The following TBC1D9B variants were observed in gnomAD, a reference collection of about 807,000 sequenced individuals.
TBC1D9B encodes TBC1 domain family, member 9B (with GRAM domain).
Under a neutral mutation model 121.1 loss-of-function variants are expected in TBC1D9B, and 87 were observed. The ratio of observed to expected loss-of-function variants is 0.72; its 90% CI spans 0.60 to 0.86. The LOEUF (loss-of-function observed/expected upper bound fraction) is 0.86. TBC1D9B is among the 40% of genes least tolerant of loss of function. The pLI is 0.00. For synonymous variants in TBC1D9B, 668 were observed against 670.1 expected (o/e 1.00, Z 0.05); for missense variants, 1,540 against 1,628.6 (o/e 0.95, Z 0.94).
intron 18 of TBC1D9B, 54 bp downstream of exon 18, chr5:179,867,724 G>A: frequency 6.2e-7 from 1 of 1,604,482 alleles, no homozygotes; most frequent in Non-Finnish European, 8.5e-7. Context: ...CAGGAAGGCG[G>A]CGGTGGCTGC....
intron 7 of TBC1D9B, among the ~76,000 whole-genome samples, chr5:179,887,493 T>G (rs1760722791): frequency 6.6e-6 from 1 of 152,182 alleles, no homozygotes. Context: ...ACCGATTCCT[T>G]CAAAAAAATA....
At chr5:179,889,229 C>T (rs1188992660) in intron 6 of TBC1D9B, among the ~76,000 whole-genome samples, 1 of 151,926 alleles carries the variant, frequency 6.6e-6, no homozygotes, top group Non-Finnish European at 1.5e-5. Context: ...CGGGTTTCAC[C>T]ATGTTAGCCA....
intron 10 of TBC1D9B, among the ~76,000 whole-genome samples, chr5:179,876,938 G>A (rs1760375126): frequency 6.6e-6 from 1 of 151,376 alleles, no homozygotes. Context: ...GGGCGTGGTG[G>A]TGTGTACCTG....
At position 179,904,219 on chromosome 5, in the gene TBC1D9B, C is replaced by CCCTT. The variant is rs1554098281; in HGVS notation, c.229+482_229+483insAAGG. On this transcript the variant is annotated intron_variant, in intron 2 of 20. Coordinates refer to ENST00000355235, the MANE Select transcript of TBC1D9B (RefSeq NM_015043.4). This position sits in a 1 kb window ranked among gnomAD's most constrained non-coding sequence, Gnocchi z 4.2. ...CCTGTCCCCATGACCAGTGGAGCTG[C>CCCTT]CTTTTTTTTTTTTTTTTTTTTTTGA... 1.3e-5 allele frequency among the ~76,000 whole-genome samples: 1 copy of CCCTT among 79,240 alleles called. No homozygotes were observed. The highest frequency in any genetic ancestry group is 9.7e-5 in the African/African-American group (1 of 10,272). 52.0% of individuals were successfully genotyped at this position (79,240 alleles called of 152,430 possible).
Position 179,871,397 on chromosome 5 carries a change from C to A in TBC1D9B, c.2484+65G>T. Reference sequence around the variant, plus strand: ...ACTTCTAAGAGGATACTCTTAGATCCATTTCTTTTCTGGCAGGAAGCTAGG... The same window carrying A: ...ACTTCTAAGAGGATACTCTTAGATCAATTTCTTTTCTGGCAGGAAGCTAGG... On this transcript the variant is annotated intron_variant, in intron 15 of 20. Coordinates refer to ENST00000355235, the MANE Select transcript of TBC1D9B (RefSeq NM_015043.4). The A allele has an allele frequency of 2.0e-6, 3 of 1,498,712 alleles. No homozygotes were observed. In the South Asian group the frequency reaches 3.5e-5, roughly 17 times the overall value. 92.8% of individuals were successfully genotyped at this position (1,498,712 alleles called of 1,614,324 possible).
rs1309174582 is a variant in TBC1D9B, at chr5:179,904,711, C to T, written c.220G>A (p.Val74Met). ...CACTCAGGGCACCTACCACACGCCA[C>T]TGTCCAGTAGACCTGGGAGTCCTGG... is the stretch of plus-strand genomic sequence containing the variant. ...QTQDSQVYWT[V>M]ACGSSRKEIT... The change falls in exon 2 of 21, where the codon GTG (valine) becomes ATG (methionine). Residue 74 changes from valine (V) to methionine (M), a missense_variant. Transcript: ENST00000355235. This position sits in a 1 kb window ranked among gnomAD's most constrained non-coding sequence, Gnocchi z 4.2. The T allele has an allele frequency of 2.9e-5, 45 of 1,569,422 alleles. No individual in the cohort carries two copies. The Admixed American group carries it at 8.5e-4, about 29-fold the overall frequency.
intron 18 of TBC1D9B, chr5:179,866,968 T>C (rs574945170): frequency 6.2e-6 from 1 of 160,122 alleles, no homozygotes; most frequent in African/African-American, 2.4e-5. Flanking sequence ...TCACCTGGGA[T>C]CAGATGCTCC....
chr5:179,905,495 T>C (rs1463697215), intron 1 of TBC1D9B, among the ~76,000 whole-genome samples: 3 of 152,246 alleles, frequency 2.0e-5, no homozygotes, highest in Admixed American at 2.0e-4. Flanking sequence ...TGGGAAAATA[T>C]AAAGTTTTTT....
chr5:179,866,309 G>C (rs150962626), intron 18 of TBC1D9B: 2,217 of 186,890 alleles, frequency 0.012, 57 homozygotes, highest in African/African-American at 0.05. Context: ...CGCCTGCTGT[G>C]CCTGTTACTG....
At position 179,893,236 on chromosome 5, in the gene TBC1D9B, G is replaced by C. The variant is rs1760914879; in HGVS notation, c.809C>G (p.Pro270Arg). Residue 270 changes from proline (P) to arginine (R), a missense_variant, in exon 5 of 21, where the codon CCA becomes CGA. Pro to Arg is a moderately radical substitution (Grantham distance 103). Transcript: ENST00000355235. The part of the protein sequence containing the change: ...EDKALPRPIR[P>R]HRNISALKRD... ...CTTCAGGGCTGAGATGTTCCTGTGT[G>C]GCCGGATGGGCCTAGGCAGGGCCTT... The C allele has an allele frequency of 6.2e-7, 1 of 1,612,204 alleles. No homozygotes were observed. The highest frequency in any genetic ancestry group is 1.1e-5 in the South Asian group (1 of 91,050).
Position 179,863,290 on chromosome 5 carries a change from TG to T in TBC1D9B, c.*157del. 1 of 831,602 alleles carries T rather than the reference TG, an allele frequency of 1.2e-6. No homozygotes were observed. The highest frequency in any genetic ancestry group is 1.8e-5 in the South Asian group (1 of 54,592). The allele number at this position is 831,602 out of a possible 1,614,324, so 51.5% of individuals were successfully genotyped here. ...GCCCAGGGAATCTGTCTAAGGCAGC[TG>T]GGTCTGCACCAGCCTTCTTTCCACT... On this transcript the variant is annotated 3_prime_UTR_variant, in exon 21 of 21. Transcript: ENST00000355235. The surrounding 1 kb of genome is among the most constrained non-coding windows in gnomAD (Gnocchi z 4.5).
chr5:179,886,201 T>C (rs1320213042), intron 7 of TBC1D9B, among the ~76,000 whole-genome samples: 1 of 152,188 alleles, frequency 6.6e-6, no homozygotes, highest in Non-Finnish European at 1.5e-5. Flanking sequence ...CCCTTATCAC[T>C]GCCTGACATA....
intron 7 of TBC1D9B, 144 bp from the exon 8 acceptor site, chr5:179,879,933 G>A (rs888886515): frequency 1.9e-6 from 2 of 1,032,944 alleles, no homozygotes; most frequent in Non-Finnish European, 2.7e-6. Context: ...AGCCTGTCTG[G>A]CTGGGCAGGA....
chr5:179,894,166 T>C (rs1055293620), intron 4 of TBC1D9B, among the ~76,000 whole-genome samples: 4 of 152,078 alleles, frequency 2.6e-5, no homozygotes, highest in African/African-American at 7.2e-5. Flanking sequence ...GGAGTCACCA[T>C]GTAGAGAACC....
chr5:179,877,277 G>A (rs1230750215), intron 10 of TBC1D9B, among the ~76,000 whole-genome samples: 6 of 151,606 alleles, frequency 4.0e-5, no homozygotes, highest in African/African-American at 4.8e-5. Flanking sequence ...GAGACCGGAA[G>A]ATCCCCTGGT....
chr5:179,863,350 C>A lies in TBC1D9B; in HGVS notation c.*98G>T. On this transcript the variant is annotated 3_prime_UTR_variant, in exon 21 of 21. Coordinates refer to ENST00000355235, the MANE Select transcript of TBC1D9B (RefSeq NM_015043.4). The surrounding 1 kb of genome is among the most constrained non-coding windows in gnomAD (Gnocchi z 4.5). Reference sequence around the variant, plus strand: ...ACTGCTCCTGGGAGAGCAGGAGGGGCACACCTTTAAAGAGAAACTGATAAG... The same window carrying A: ...ACTGCTCCTGGGAGAGCAGGAGGGGAACACCTTTAAAGAGAAACTGATAAG... The A allele has an allele frequency of 7.2e-7, 1 of 1,381,920 alleles. No individual in the cohort carries two copies. The highest frequency in any genetic ancestry group is 1.4e-5 in the South Asian group (1 of 71,270). 85.6% of individuals were successfully genotyped at this position (1,381,920 alleles called of 1,614,324 possible).
chr5:179,880,037 AG>A, intron 7 of TBC1D9B: 3 of 573,078 alleles, frequency 5.2e-6, no homozygotes, highest in Non-Finnish European at 9.2e-6. Flanking sequence ...AGTCAGTCTC[AG>A]GGAGCGGGTT....
intron 7 of TBC1D9B, among the ~76,000 whole-genome samples, chr5:179,884,817 A>T (rs541622247): frequency 6.6e-6 from 1 of 152,342 alleles, no homozygotes; most frequent in Non-Finnish European, 1.5e-5. Flanking sequence ...AATTCAAGTC[A>T]AAAAGGTAGA....
At chr5:179,894,721 G>A (rs1760973413) in intron 3 of TBC1D9B, 107 bp from the exon 4 acceptor site, 1 of 1,110,606 alleles carries the variant, frequency 9.0e-7, no homozygotes, top group Non-Finnish European at 1.3e-6. Flanking sequence ...CTTGGTCTAA[G>A]GGCTACAGGC....
Sources: gnomAD v4.1 joint callset for allele counts (sites outside exome capture counted in the v4.1 genomes callset) on GRCh38, gnomAD v4.1.1 for gene constraint, Gnocchi (gnomAD v3.1) non-coding constraint, MANE v1.5 for transcripts, NCBI Gene and HGNC (gene_info 2026-07-23, HGNC 2026-07-21) for gene names.